Variants in PCDHGB1 observed in about 807,000 individuals in gnomAD.
PCDHGB1 encodes the protein protocadherin gamma-B1.
PCDHGB1 carries 34 observed loss-of-function variants against 56.6 expected under a neutral mutation model. The ratio of observed to expected loss-of-function variants is 0.60; its 90% CI spans 0.46 to 0.80. The LOEUF (loss-of-function observed/expected upper bound fraction) is 0.80. PCDHGB1 is among the 30% of genes least tolerant of loss of function. PCDHGB1 has a pLI of 0.00. For missense variants in PCDHGB1, 1,278 were observed against 1,204.6 expected, an observed-to-expected ratio of 1.06 and a Z score of -0.90; for synonymous variants, 561 against 505.9, an observed-to-expected ratio of 1.11 and a Z score of -1.46.
At chr5:141,417,703 C>A in intron 1 of PCDHGB1, 1 of 1,205,130 alleles carries the variant, frequency 8.3e-7, no homozygotes, top group Non-Finnish European at 1.1e-6. Context: ...AGCTCCCACA[C>A]AGAGGCTCCC....
At chr5:141,370,380 G>A in intron 1 of PCDHGB1, 5 of 1,532,358 alleles carry the variant, frequency 3.3e-6, no homozygotes, top group Non-Finnish European at 4.4e-6. Flanking sequence ...GAAAGGCAAA[G>A]GCGCAGAGAG....
At chr5:141,376,572 A>C (rs776986338) in intron 1 of PCDHGB1, 1 of 1,600,622 alleles carries the variant, frequency 6.2e-7, no homozygotes, top group South Asian at 1.1e-5. Context: ...CTAATCAGAC[A>C]GGCTCATCAG....
chr5:141,463,975 C>T lies in PCDHGB1; in HGVS notation c.2410-30832C>T, dbSNP rs145316182. Among the ~76,000 whole-genome samples the T allele has an allele frequency of 1.3e-3, 204 of 151,992 alleles. 1 individual carries two copies. Among genetic ancestry groups the T allele is most frequent in the African/African-American group, 4.8e-3 (198 of 41,474 alleles). The stretch of plus-strand genomic sequence containing the variant: ...TTTTTAAAATAGCTTCATAAAACTC[C>T]ATTGTAAAAACCAGGTGCAGTGGCT... On this transcript the variant is annotated intron_variant, in intron 1 of 3. Transcript: ENST00000523390.
rs1758540273 is a variant in PCDHGB1, at chr5:141,350,696, G to A, written c.436G>A (p.Gly146Arg). 1 of 1,613,948 alleles carries A rather than the reference G, an allele frequency of 6.2e-7. No individual in the cohort carries two copies. Among genetic ancestry groups the A allele is most frequent in the Non-Finnish European group, 8.5e-7 (1 of 1,179,896 alleles). Reference protein sequence around the residue: ...DLEICESALPGVKFSLDSAQD... With the variant: ...DLEICESALPRVKFSLDSAQD... ...AGAAATTTGTGAGTCAGCCTTACCC[G>A]GGGTAAAATTCTCTCTGGATTCTGC... is the stretch of plus-strand genomic sequence containing the variant. Residue 146 changes from glycine to arginine, a missense_variant, in exon 1 of 4, where the codon GGG (glycine) becomes AGG (arginine). Physicochemically the swap from Gly to Arg is moderately radical, Grantham distance 125. Transcript: ENST00000523390.
intron 1 of PCDHGB1, chr5:141,415,740 G>GTTTTTTTTTTTTTTTTTTTTTTTTTTTTT (rs57426385): frequency 8.0e-6 from 5 of 625,030 alleles, no homozygotes; most frequent in African/African-American, 2.5e-5. Flanking sequence ...GTTTATTAAG[G>GTTTTTTTTTTTTTTTTTTTTTTTTTTTTT]TTTTTTTTTT....
At chr5:141,386,476 G>A (rs2090588767) in intron 1 of PCDHGB1, among the ~76,000 whole-genome samples, 1 of 151,552 alleles carries the variant, frequency 6.6e-6, no homozygotes, top group African/African-American at 2.4e-5. Flanking sequence ...AAGAATTGGA[G>A]GCCCACCTAG....
At chr5:141,483,333 C>G (rs566443186) in intron 1 of PCDHGB1, among the ~76,000 whole-genome samples, 1 of 152,096 alleles carries the variant, frequency 6.6e-6, no homozygotes, top group East Asian at 1.9e-4. Context: ...GCAAAGAGAT[C>G]TTATCTCTTT....
At chr5:141,364,599 T>C in intron 1 of PCDHGB1, 4 of 1,614,178 alleles carry the variant, frequency 2.5e-6, no homozygotes, top group South Asian at 1.1e-5. Context: ...GCGGGCAGGA[T>C]AGACCGGGAG....
intron 1 of PCDHGB1, chr5:141,376,336 G>A (rs1433665161): frequency 1.2e-6 from 2 of 1,614,080 alleles, no homozygotes; most frequent in African/African-American, 2.7e-5. Flanking sequence ...CTTTCCTGCA[G>A]ACCTATTCCC....
chr5:141,389,324 G>A (rs1425596117), intron 1 of PCDHGB1: 2 of 1,613,848 alleles, frequency 1.2e-6, no homozygotes, highest in African/African-American at 1.3e-5. Flanking sequence ...CGGACTTGGG[G>A]CCCAACGGCC....
In PCDHGB1 at chr5:141,350,654, G is replaced by A. The variant is rs777439506; in HGVS notation, c.394G>A (p.Ala132Thr). The change falls in exon 1 of 4, where the codon GCA becomes ACA. Residue 132 changes from alanine (A) to threonine (T), a missense_variant. Physicochemically the swap from Ala to Thr is moderately conservative, Grantham distance 58. Transcript: ENST00000523390. ...TAATGACAATGCACCACGTTTCGTT[G>A]CAAAAGGCATTGACTTAGAAATTTG... Reference protein sequence around the residue: ...DINDNAPRFVAKGIDLEICES... With the variant: ...DINDNAPRFVTKGIDLEICES... The A allele has an allele frequency of 8.7e-6, 14 of 1,614,026 alleles. No individual in the cohort carries two copies. The South Asian group carries it at 1.4e-4, about 16-fold the overall frequency.
chr5:141,403,956 T>A (rs375951516), intron 1 of PCDHGB1: 6 of 1,613,884 alleles, frequency 3.7e-6, no homozygotes, highest in Non-Finnish European at 5.1e-6. Flanking sequence ...AAAGTGCTCA[T>A]TTCGGTGGAA....
rs2099883798 is a variant in PCDHGB1, at chr5:141,511,451, AT to A, written c.*281del. On this transcript the variant is annotated 3_prime_UTR_variant, in exon 4 of 4. Transcript: ENST00000523390. ...GGGGTTACTGTAGACACCAAGAACC[AT>A]TTGCCACACCCCGTTTAGTTACAGC... The A allele has an allele frequency of 3.3e-6, 2 of 606,372 alleles. No individual in the cohort carries two copies. Among genetic ancestry groups the A allele is most frequent in the African/African-American group, 1.9e-5 (1 of 53,734 alleles). 37.6% of individuals were successfully genotyped at this position (606,372 alleles called of 1,614,324 possible).
intron 1 of PCDHGB1, chr5:141,423,157 G>T: frequency 1.9e-6 from 3 of 1,610,820 alleles, no homozygotes; most frequent in East Asian, 2.2e-5. Context: ...GCAGAGCCTC[G>T]TGGTGGCCGT....
chr5:141,423,300 G>T, intron 1 of PCDHGB1: 2 of 1,614,146 alleles, frequency 1.2e-6, no homozygotes, highest in African/African-American at 1.3e-5. Context: ...CAGACCTCTC[G>T]CTGTACTTGG....
At chr5:141,384,312 T>A in intron 1 of PCDHGB1, 1 of 1,613,806 alleles carries the variant, frequency 6.2e-7, no homozygotes. Flanking sequence ...GGGCCTCCAT[T>A]TTCTTAGTGA....
intron 1 of PCDHGB1, chr5:141,399,810 C>T (rs148150333): frequency 3.9e-5 from 63 of 1,613,194 alleles, no homozygotes; most frequent in Non-Finnish European, 4.9e-5. Flanking sequence ...TGCTGTACCC[C>T]GCGCTGGGTC....
At chr5:141,379,080 G>C (rs1467577464) in intron 1 of PCDHGB1, 1 of 152,176 alleles carries the variant, frequency 6.6e-6, no homozygotes, top group Non-Finnish European at 1.5e-5. Flanking sequence ...ATCTGAATTT[G>C]TTATGAATGT....
chr5:141,445,134 A>G lies in PCDHGB1; in HGVS notation c.2410-49673A>G, dbSNP rs900226020. ...TTGTAAATAGTATTTTTAAAATTGT[A>G]TCTTCTAATTGTTCATTTCTAGTTT... On this transcript the variant is annotated intron_variant, in intron 1 of 3. Transcript: ENST00000523390. Among the ~76,000 whole-genome samples, 174 of 152,316 alleles carry G rather than the reference A, an allele frequency of 1.1e-3. 4 individuals carry two copies. The highest frequency in any genetic ancestry group is 5.3e-4 in the Non-Finnish European group (36 of 68,016).
Sources: allele counts gnomAD v4.1 joint callset (sites outside exome capture counted in the v4.1 genomes callset), GRCh38; gene constraint gnomAD v4.1.1; transcripts MANE v1.5; gene names NCBI Gene and HGNC (gene_info 2026-07-23, HGNC 2026-07-21).